Variants in PAPPA2 observed in about 807,000 individuals in gnomAD.
PAPPA2 encodes the protein pappalysin 2, also known as pappalysin-2.
In PAPPA2, 86 loss-of-function variants were observed where a neutral mutation model predicts 176.4. That is an observed-to-expected ratio of 0.49 (90% CI 0.41 to 0.58). PAPPA2 has a LOEUF of 0.58. Among genes scored for constraint, PAPPA2 ranks in the 20% least tolerant of loss-of-function variants. The pLI, the probability that PAPPA2 is intolerant of heterozygous loss-of-function variation, is 0.00. For synonymous variants in PAPPA2, 809 were observed against 852.2 expected, an observed-to-expected ratio of 0.95 and a Z score of 0.88; for missense variants, 2,073 against 2,256.9, an observed-to-expected ratio of 0.92 and a Z score of 1.65.
chr1:176,696,856 T>C (rs2102815191), intron 7 of PAPPA2, among the ~76,000 whole-genome samples: 1 of 152,348 alleles, frequency 6.6e-6, no homozygotes, highest in East Asian at 1.9e-4. Context: ...CTGCAAGATA[T>C]CATCCTGGGC....
chr1:176,653,442 G>A (rs1233809071), intron 3 of PAPPA2, among the ~76,000 whole-genome samples: 1 of 151,706 alleles, frequency 6.6e-6, no homozygotes, highest in Non-Finnish European at 1.5e-5. Context: ...TGAAGCCTGA[G>A]ACAGGAATTT....
At chr1:176,716,350 A>G (rs1361117963) in intron 12 of PAPPA2, among the ~76,000 whole-genome samples, 2 of 150,734 alleles carry the variant, frequency 1.3e-5, no homozygotes, top group African/African-American at 4.9e-5. Context: ...GGTTCAAGCG[A>G]TTCTCCTGCC....
chr1:176,686,353 A>C (rs192062562), intron 4 of PAPPA2, among the ~76,000 whole-genome samples: 1 of 152,272 alleles, frequency 6.6e-6, no homozygotes, highest in African/African-American at 2.4e-5. Flanking sequence ...CACTTATAAA[A>C]CTATGAGATC....
intron 12 of PAPPA2, among the ~76,000 whole-genome samples, chr1:176,728,634 T>C (rs1173562627): frequency 1.3e-5 from 2 of 151,878 alleles, no homozygotes; most frequent in Non-Finnish European, 3.0e-5. Context: ...CCAAACAAGA[T>C]ATTCAAAAGA....
chr1:176,492,111 G>T (rs961507709), intron 1 of PAPPA2, among the ~76,000 whole-genome samples: 2 of 152,156 alleles, frequency 1.3e-5, no homozygotes, highest in African/African-American at 4.8e-5. Flanking sequence ...ATTTGCCAAT[G>T]ACAAACATCC....
At chr1:176,677,247 A>G (rs10798473) in intron 4 of PAPPA2, among the ~76,000 whole-genome samples, 92,873 of 152,046 alleles carry the variant, frequency 0.61, 30,727 homozygotes, top group African/African-American at 0.88. Flanking sequence ...ACTCAAGATG[A>G]AATTATCTGT....
intron 1 of PAPPA2, among the ~76,000 whole-genome samples, chr1:176,495,864 C>G (rs1647583567): frequency 6.6e-6 from 1 of 151,550 alleles, no homozygotes; most frequent in South Asian, 2.1e-4. Context: ...AACTCCTGGG[C>G]TCTAGCGATC....
At chr1:176,546,298 C>T (rs1650633245) in intron 1 of PAPPA2, among the ~76,000 whole-genome samples, 2 of 152,146 alleles carry the variant, frequency 1.3e-5, no homozygotes, top group Non-Finnish European at 2.9e-5. Context: ...ACTCTCTTTA[C>T]CTGGGACATT....
Position 176,844,146 on chromosome 1 carries a change from T to G in PAPPA2, c.*1692T>G, listed in dbSNP as rs1007764033. ...CAGTTTCTGTTTAACATTCTAGTTT[T>G]ACTCATTTTAGGAAGGCTGTGAGTG... is the stretch of plus-strand genomic sequence containing the variant. On this transcript the variant is annotated 3_prime_UTR_variant, in exon 23 of 23. Coordinates refer to ENST00000367662, the MANE Select transcript of PAPPA2 (RefSeq NM_020318.3). The G allele has an allele frequency of 7.8e-6, 1 of 129,006 alleles. No individual in the cohort carries two copies. Among genetic ancestry groups the G allele is most frequent in the African/African-American group, 3.1e-5 (1 of 32,056 alleles). 8.0% of individuals were successfully genotyped at this position (129,006 alleles called of 1,614,324 possible).
At chr1:176,752,799 C>G (rs1259007819) in intron 14 of PAPPA2, among the ~76,000 whole-genome samples, 1 of 152,216 alleles carries the variant, frequency 6.6e-6, no homozygotes, top group Non-Finnish European at 1.5e-5. Flanking sequence ...TTCAGGTTGA[C>G]TTACTCTGGC....
intron 2 of PAPPA2, among the ~76,000 whole-genome samples, chr1:176,573,802 C>T (rs1296171233): frequency 6.6e-6 from 1 of 152,004 alleles, no homozygotes. Flanking sequence ...TCTTCCTGAT[C>T]CCTAGTAGGT....
Position 176,770,825 on chromosome 1 carries a change from G to A in PAPPA2, c.4502-142G>A, listed in dbSNP as rs537507290. ...GATGTAGGACTAACATTTGATGTGG[G>A]ATTTTTGAGATGCTACTCAAGAAAG... On this transcript the variant is annotated intron_variant, in intron 16 of 22. Transcript: ENST00000367662. 1.2e-4 allele frequency: 89 copies of A among 719,150 alleles called. No homozygotes were observed. The African/African-American group carries it at 1.5e-3, about 12-fold the overall frequency. The allele number at this position is 719,150 out of a possible 1,614,324, so 44.5% of individuals were successfully genotyped here.
chr1:176,522,843 C>A (rs2102540249), intron 1 of PAPPA2, among the ~76,000 whole-genome samples: 1 of 152,292 alleles, frequency 6.6e-6, no homozygotes, highest in African/African-American at 2.4e-5. Context: ...AGAGGATCTG[C>A]CACCCCACAT....
In PAPPA2 at chr1:176,503,736, A is replaced by G. The variant is rs114552807; in HGVS notation, c.-917+40318A>G. The stretch of plus-strand genomic sequence containing the variant: ...GCAGTGTCTGTTCTTTGTAAGGATT[A>G]GGCAGAGGATTGGCTCTTGCCATTC... On this transcript the variant is annotated intron_variant, in intron 1 of 22. Transcript: ENST00000367662. Among the ~76,000 whole-genome samples the G allele has an allele frequency of 5.1e-3, 784 of 152,300 alleles. 4 individuals carry two copies. Among genetic ancestry groups the G allele is most frequent in the Middle Eastern group, 0.017 (5 of 294 alleles).
chr1:176,495,917 GC>G (rs1157029671), intron 1 of PAPPA2, among the ~76,000 whole-genome samples: 3 of 151,984 alleles, frequency 2.0e-5, no homozygotes, highest in Non-Finnish European at 4.4e-5. Flanking sequence ...ATAGGCATGA[GC>G]TATTATGCCT....
chr1:176,761,676 C>A (rs1469063626), intron 14 of PAPPA2, among the ~76,000 whole-genome samples: 1 of 152,194 alleles, frequency 6.6e-6, no homozygotes, highest in African/African-American at 2.4e-5. Flanking sequence ...AACCTCATCC[C>A]GTGGGAGATG....
chr1:176,671,122 G>A lies in PAPPA2; in HGVS notation c.2137+7G>A. The A allele has an allele frequency of 6.2e-7, 1 of 1,613,446 alleles. No individual in the cohort carries two copies. Among genetic ancestry groups the A allele is most frequent in the South Asian group, 1.1e-5 (1 of 91,006 alleles). On this transcript the variant is annotated splice_region_variant and intron_variant, in intron 4 of 22. Transcript: ENST00000367662. Reference sequence around the variant, plus strand: ...GACGCTGTCACTCACCTGGGTAAGTGAAATGAAGACCAAACATAGTAGGAA... The same window carrying A: ...GACGCTGTCACTCACCTGGGTAAGTAAAATGAAGACCAAACATAGTAGGAA...
intron 17 of PAPPA2, among the ~76,000 whole-genome samples, chr1:176,779,964 G>A (rs1664641469): frequency 6.6e-6 from 1 of 152,158 alleles, no homozygotes; most frequent in Non-Finnish European, 1.5e-5. Context: ...CCACATCAAG[G>A]GATGTAATGT....
At chr1:176,496,332 T>C (rs1392984178) in intron 1 of PAPPA2, among the ~76,000 whole-genome samples, 1 of 152,164 alleles carries the variant, frequency 6.6e-6, no homozygotes, top group Non-Finnish European at 1.5e-5. Context: ...GATATATAAA[T>C]ATTCACTTTT....
Sources: gnomAD v4.1 joint callset for allele counts (sites outside exome capture counted in the v4.1 genomes callset) on GRCh38, gnomAD v4.1.1 for gene constraint, MANE v1.5 for transcripts, NCBI Gene and HGNC (gene_info 2026-07-23, HGNC 2026-07-21) for gene names.